KMT2C: variants seen among roughly 807,000 people sequenced by gnomAD.
KMT2C encodes histone-lysine N-methyltransferase 2C.
Under a neutral mutation model 507.9 loss-of-function variants are expected in KMT2C, and 88 were observed. That is an observed-to-expected ratio of 0.17 (90% confidence interval 0.15 to 0.21). The LOEUF is 0.21. Among genes scored for constraint, KMT2C ranks in the 10% least tolerant of loss-of-function variants. The pLI is 1.00. For missense variants in KMT2C, 4,954 were observed against 5,957.8 expected, an observed-to-expected ratio of 0.83 and a Z score of 5.55; for synonymous variants, 2,049 against 2,080.8, an observed-to-expected ratio of 0.98 and a Z score of 0.42.
At chr7:152,164,435 G>GC (rs1480350987) in intron 42 of KMT2C, among the ~76,000 whole-genome samples, 1 of 151,534 alleles carries the variant, frequency 6.6e-6, no homozygotes, top group Non-Finnish European at 1.5e-5. Flanking sequence ...GACTACAGGC[G>GC]CCCGCTACCA....
At chr7:152,202,016 T>C (rs1042103817) in intron 26 of KMT2C, among the ~76,000 whole-genome samples, 3 of 152,242 alleles carry the variant, frequency 2.0e-5, no homozygotes, top group African/African-American at 7.2e-5. Flanking sequence ...TGTATGCTAG[T>C]TGAAAGGCAA....
chr7:152,424,770 C>G (rs1231100177), intron 1 of KMT2C, among the ~76,000 whole-genome samples: 1 of 152,108 alleles, frequency 6.6e-6, no homozygotes, highest in East Asian at 1.9e-4. Context: ...ATTCAACAGG[C>G]AAGTCAACTA....
At chr7:152,215,179 T>A (rs1480410419) in intron 23 of KMT2C, among the ~76,000 whole-genome samples, 1 of 152,120 alleles carries the variant, frequency 6.6e-6, no homozygotes, top group African/African-American at 2.4e-5. Context: ...CATACAACAT[T>A]ATAAATATAC....
intron 1 of KMT2C, among the ~76,000 whole-genome samples, chr7:152,427,141 G>A (rs1274550689): frequency 1.3e-5 from 2 of 151,866 alleles, no homozygotes; most frequent in Non-Finnish European, 1.5e-5. Context: ...TCAGCCTCCC[G>A]AGTAGCTGGG....
intron 1 of KMT2C, among the ~76,000 whole-genome samples, chr7:152,386,310 G>C (rs201675879): frequency 6.6e-6 from 1 of 151,980 alleles, no homozygotes; most frequent in African/African-American, 2.4e-5. Context: ...TCCCAAAACA[G>C]TGCTTCATAG....
chr7:152,151,805 T>C (rs538386806), intron 49 of KMT2C, among the ~76,000 whole-genome samples: 6 of 150,026 alleles, frequency 4.0e-5, no homozygotes, highest in African/African-American at 1.5e-4. Context: ...GGGAAAGCAA[T>C]GGCAGTATAA....
At chr7:152,353,485 A>G (rs2097129508) in intron 2 of KMT2C, among the ~76,000 whole-genome samples, 1 of 151,950 alleles carries the variant, frequency 6.6e-6, no homozygotes, top group Non-Finnish European at 1.5e-5. Context: ...ATGGTAGGAG[A>G]CTCATTAGCA....
intron 6 of KMT2C, 29 bp from the exon 7 acceptor site, chr7:152,273,896 T>G: frequency 6.2e-7 from 1 of 1,600,388 alleles, no homozygotes; most frequent in Non-Finnish European, 8.5e-7. Flanking sequence ...AGAAATCTCT[T>G]TATAAAACCT....
chr7:152,154,982 G>C (rs1171449883), intron 46 of KMT2C: 2 of 152,346 alleles, frequency 1.3e-5, no homozygotes, highest in Non-Finnish European at 2.9e-5. Context: ...CCATTGACTT[G>C]ATCGGCCCTT....
At position 152,181,375 on chromosome 7, in the gene KMT2C, G is replaced by A. The variant is rs773511027; in HGVS notation, c.6485C>T (p.Pro2162Leu). 2 of 1,614,018 alleles carry A rather than the reference G, an allele frequency of 1.2e-6. No individual in the cohort carries two copies. Among genetic ancestry groups the A allele is most frequent in the Non-Finnish European group, 1.7e-6 (2 of 1,180,020 alleles). ...ARSNTDPYSQ[P>L]PGTPRPTTVD... is the part of the protein sequence containing the mutation. ...AGTAGTAGGCCGGGGAGTTCCAGGA[G>A]GTTGAGAGTAAGGGTCTGTATTGGA... Residue 2162 changes from proline to leucine, a missense_variant, in exon 36 of 59, where the codon CCT becomes CTT. Pro to Leu is a moderately conservative substitution (Grantham distance 98, BLOSUM62 -3). This residue lies in a region of KMT2C where 1,689 missense variants were observed against 1,654.3 expected (regional missense o/e 1.02). Transcript: ENST00000262189.
intron 34 of KMT2C, 46 bp from the exon 35 acceptor site, chr7:152,183,202 T>C: frequency 7.2e-7 from 1 of 1,392,936 alleles, no homozygotes; most frequent in South Asian, 1.4e-5. Context: ...ATGTTAAATG[T>C]TTTAAGGAAT....
At chr7:152,296,783 G>A (rs2096501002) in intron 6 of KMT2C, among the ~76,000 whole-genome samples, 1 of 151,726 alleles carries the variant, frequency 6.6e-6, no homozygotes, top group East Asian at 1.9e-4. Context: ...TTCTAATTCT[G>A]ACCAAGATGG....
At chr7:152,277,208 A>G (rs1303259606) in intron 6 of KMT2C, among the ~76,000 whole-genome samples, 1 of 152,202 alleles carries the variant, frequency 6.6e-6, no homozygotes, top group Admixed American at 6.5e-5. Context: ...GCTCTAATAA[A>G]TAAGTATTAT....
At chr7:152,290,340 T>C (rs2096406744) in intron 6 of KMT2C, among the ~76,000 whole-genome samples, 1 of 123,790 alleles carries the variant, frequency 8.1e-6, no homozygotes, top group African/African-American at 2.9e-5. Flanking sequence ...AGATGGAGTC[T>C]CACTCTGTCA....
At position 152,148,074 on chromosome 7, in the gene KMT2C, T is replaced by C; in HGVS notation, c.13853A>G (p.Gln4618Arg). ...RPVFVIRIVE[Q>R]GHEDLVLSDI... ...ACTTAGAACCAGGTCTTCATGGCCTTGTTCCACAATCCTGATGACAAACAC... is the reference window on the plus strand; with the variant it reads ...ACTTAGAACCAGGTCTTCATGGCCTCGTTCCACAATCCTGATGACAAACAC... The change falls in exon 52 of 59, where the codon CAA becomes CGA. Residue 4618 changes from glutamine to arginine, a missense_variant. Physicochemically the swap from Gln to Arg is conservative, Grantham distance 43. Coordinates refer to ENST00000262189, the MANE Select transcript of KMT2C (RefSeq NM_170606.3). This position sits in a 1 kb window ranked among gnomAD's most constrained non-coding sequence, Gnocchi z 7.1. 1.2e-6 allele frequency: 2 copies of C among 1,603,454 alleles called. No individual in the cohort carries two copies. The highest frequency in any genetic ancestry group is 1.7e-4 in the Middle Eastern group (1 of 6,014).
At chr7:152,376,562 T>A (rs770186017) in intron 1 of KMT2C, among the ~76,000 whole-genome samples, 1 of 152,100 alleles carries the variant, frequency 6.6e-6, no homozygotes, top group East Asian at 1.9e-4. Flanking sequence ...AAACCAGCCA[T>A]AACATTCCCT....
intron 2 of KMT2C, among the ~76,000 whole-genome samples, chr7:152,337,310 T>C (rs144010775): frequency 1.3e-5 from 2 of 152,292 alleles, no homozygotes; most frequent in East Asian, 1.9e-4. Flanking sequence ...CACATGTAAG[T>C]AGATTCCTAA....
intron 4 of KMT2C, among the ~76,000 whole-genome samples, chr7:152,313,317 G>C (rs1322225675): frequency 6.6e-6 from 1 of 151,846 alleles, no homozygotes; most frequent in African/African-American, 2.4e-5. Flanking sequence ...TATTTGATGA[G>C]GGAAAGGGGT....
chr7:152,432,220 C>A (rs1232484854), intron 1 of KMT2C, among the ~76,000 whole-genome samples: 1 of 152,208 alleles, frequency 6.6e-6, no homozygotes, highest in Non-Finnish European at 1.5e-5. Context: ...CCCCATCCCC[C>A]ACACCCACAC....
Sources: gnomAD v4.1 joint callset for allele counts (sites outside exome capture counted in the v4.1 genomes callset) on GRCh38, gnomAD v4.1.1 for gene constraint, gnomAD v4.1.1 regional missense constraint, Gnocchi (gnomAD v3.1) non-coding constraint, MANE v1.5 for transcripts, NCBI Gene and HGNC (gene_info 2026-07-23, HGNC 2026-07-21) for gene names.